The following EBF1 variants were observed in gnomAD, a reference collection of about 807,000 sequenced individuals.
EBF1 encodes the protein transcription factor COE1.
In EBF1, 10 loss-of-function variants were observed where a neutral mutation model predicts 68.4. The ratio of observed to expected loss-of-function variants is 0.15; its 90% CI spans 0.09 to 0.25. The LOEUF (loss-of-function observed/expected upper bound fraction) is 0.25, where lower values mean the gene tolerates loss of function less well. Among genes scored for constraint, EBF1 ranks in the 10% least tolerant of loss-of-function variants. The probability of loss-of-function intolerance (pLI) is 1.00; values close to 1 mark genes in which losing one functional copy is unlikely to be tolerated. For synonymous variants in EBF1, 298 were observed against 299.8 expected (o/e 0.99, Z 0.06); for missense variants, 509 against 794.4 (o/e 0.64, Z 4.32).
intron 7 of EBF1, among the ~76,000 whole-genome samples, chr5:158,835,206 C>T (rs1029317805): frequency 6.6e-6 from 1 of 152,182 alleles, no homozygotes; most frequent in African/African-American, 2.4e-5. Flanking sequence ...TGTCTTGGTT[C>T]GGTCCTAAGA....
chr5:159,087,753 C>T (rs894612307), intron 4 of EBF1, among the ~76,000 whole-genome samples: 1 of 152,114 alleles, frequency 6.6e-6, no homozygotes, highest in Admixed American at 6.6e-5. Context: ...CCCTTTGCCT[C>T]CATGATACAT....
At chr5:158,778,305 C>G (rs866139678) in intron 9 of EBF1, among the ~76,000 whole-genome samples, 10 of 152,204 alleles carry the variant, frequency 6.6e-5, no homozygotes, top group Middle Eastern at 3.4e-3. Flanking sequence ...TTATTAATGG[C>G]CATAAAACTG....
At chr5:158,803,588 A>G (rs538467233) in intron 8 of EBF1, among the ~76,000 whole-genome samples, 1 of 152,212 alleles carries the variant, frequency 6.6e-6, no homozygotes, top group African/African-American at 2.4e-5. Flanking sequence ...AGAAGCAATT[A>G]GAATGCCTGA....
At chr5:158,754,526 G>A (rs1402633426) in intron 10 of EBF1, among the ~76,000 whole-genome samples, 1 of 152,166 alleles carries the variant, frequency 6.6e-6, no homozygotes, top group Non-Finnish European at 1.5e-5. Flanking sequence ...AGGCCATCTT[G>A]AGAAGGAAGC....
At chr5:158,935,555 T>C (rs1253698647) in intron 6 of EBF1, among the ~76,000 whole-genome samples, 1 of 152,096 alleles carries the variant, frequency 6.6e-6, no homozygotes, top group African/African-American at 2.4e-5. Flanking sequence ...AGAAAACATA[T>C]GCAGAAGAAA....
intron 6 of EBF1, among the ~76,000 whole-genome samples, chr5:158,960,547 C>CA (rs1817978858): frequency 6.6e-6 from 1 of 152,078 alleles, no homozygotes; most frequent in African/African-American, 2.4e-5. Context: ...AATTGAAGGG[C>CA]AAACTGGAGG....
chr5:158,820,019 A>C (rs1784515785), intron 8 of EBF1, among the ~76,000 whole-genome samples: 1 of 152,182 alleles, frequency 6.6e-6, no homozygotes, highest in Non-Finnish European at 1.5e-5. Flanking sequence ...AAGAAAGCCC[A>C]TGCATGAATG....
intron 6 of EBF1, among the ~76,000 whole-genome samples, chr5:158,985,636 T>C (rs558635928): frequency 1.5e-3 from 225 of 152,362 alleles, no homozygotes; most frequent in African/African-American, 5.3e-3. Flanking sequence ...CTTCCCCTCC[T>C]TTTCTTTCAA....
chr5:158,933,367 T>C (rs1274412694), intron 6 of EBF1, among the ~76,000 whole-genome samples: 1 of 152,028 alleles, frequency 6.6e-6, no homozygotes, highest in Non-Finnish European at 1.5e-5. Flanking sequence ...CCGAAAGAGG[T>C]GCACAAAACA....
intron 6 of EBF1, among the ~76,000 whole-genome samples, chr5:158,854,664 C>T (rs1793623428): frequency 6.6e-6 from 1 of 152,222 alleles, no homozygotes; most frequent in Admixed American, 6.5e-5. Context: ...AAACAACTGA[C>T]TCGGTGCCTT....
intron 10 of EBF1, among the ~76,000 whole-genome samples, chr5:158,736,613 C>G (rs1049388215): frequency 1.3e-5 from 2 of 152,322 alleles, no homozygotes; most frequent in Non-Finnish European, 1.5e-5. Context: ...AATGATAAAA[C>G]TAGCACCTGG....
chr5:159,049,033 C>A (rs995959002), intron 6 of EBF1, among the ~76,000 whole-genome samples: 1 of 152,226 alleles, frequency 6.6e-6, no homozygotes, highest in African/African-American at 2.4e-5. Context: ...CATTTTGTCA[C>A]ACCATTCCCC....
intron 6 of EBF1, among the ~76,000 whole-genome samples, chr5:159,041,583 A>G (rs1014644431): frequency 6.6e-6 from 1 of 152,232 alleles, no homozygotes; most frequent in Non-Finnish European, 1.5e-5. Context: ...GCAGATGTAG[A>G]AAATATTTTT....
intron 6 of EBF1, among the ~76,000 whole-genome samples, chr5:158,901,085 C>A (rs762441534): frequency 6.6e-6 from 1 of 152,194 alleles, no homozygotes; most frequent in South Asian, 2.1e-4. Flanking sequence ...GACTATTGAG[C>A]CAGAAGTATC....
chr5:158,962,493 C>T (rs545720958), intron 6 of EBF1, among the ~76,000 whole-genome samples: 1 of 152,226 alleles, frequency 6.6e-6, no homozygotes, highest in South Asian at 2.1e-4. Flanking sequence ...CTGCACACTC[C>T]CTAGGAAGAG....
rs1402283006 is a variant in EBF1 at position 158,727,666 on chromosome 5, T to G, written c.1125+3403A>C. Among the ~76,000 whole-genome samples the G allele has an allele frequency of 2.0e-5, 3 of 152,334 alleles. No individual in the cohort carries two copies. The East Asian group carries it at 5.8e-4, about 29-fold the overall frequency. On this transcript the variant is annotated intron_variant, in intron 11 of 15. Transcript: ENST00000313708. ...TAGCATAATCACAGTATTTTAAATT[T>G]GTGTGTACAGCAACTATCACTGATG...
Position 158,720,664 on chromosome 5 carries a change from C to T in EBF1, c.1126-6482G>A, listed in dbSNP as rs145908799. On this transcript the variant is annotated intron_variant, in intron 11 of 15. Transcript: ENST00000313708. ...CCTTTAGTGTCACACTTTAAACACT[C>T]TTTCCTTAGAAGCCCTATGACTGAG... Among the ~76,000 whole-genome samples, 486 of 152,270 alleles carry T rather than the reference C, an allele frequency of 3.2e-3. 2 individuals carry two copies. Among genetic ancestry groups the T allele is most frequent in the African/African-American group, 0.011 (446 of 41,556 alleles).
Position 158,698,663 on chromosome 5 carries a change from C to CTTTTTTTTTT in EBF1, c.*438_*447dup, listed in dbSNP as rs1357650531. On this transcript the variant is annotated 3_prime_UTR_variant, in exon 16 of 16. Coordinates refer to ENST00000313708, the MANE Select transcript of EBF1 (RefSeq NM_024007.5). The stretch of plus-strand genomic sequence containing the variant: ...AAGCTTTTTTTTTTTTCCTTTTTTT[C>CTTTTTTTTTT]TTTTTTTTTTTTTTTACTTTTTTGT... 9 of 151,322 alleles carry CTTTTTTTTTT rather than the reference C, an allele frequency of 5.9e-5. No homozygotes were observed. The highest frequency in any genetic ancestry group is 8.1e-5 in the Non-Finnish European group (6 of 74,100). The allele number at this position is 151,322 out of a possible 1,614,324, so 9.4% of individuals were successfully genotyped here. A position where few individuals can be genotyped will look rare whatever the true frequency, so the allele number is the denominator to read the frequency against.
rs116429181 is a variant in EBF1 at position 158,976,605 on chromosome 5, T to C, written c.554+96791A>G. ...GCTGGGACTGCTAAGGATTTCAACC[T>C]AGATCATTCTGCCCTCTGTTAAAAT... On this transcript the variant is annotated intron_variant, in intron 6 of 15. Transcript: ENST00000313708. 3.5e-3 allele frequency among the ~76,000 whole-genome samples: 537 copies of C among 152,340 alleles called. 3 individuals are homozygous for C. Among genetic ancestry groups the C allele is most frequent in the African/African-American group, 0.012 (505 of 41,578 alleles).
Sources: allele counts gnomAD v4.1 joint callset (sites outside exome capture counted in the v4.1 genomes callset), GRCh38; gene constraint gnomAD v4.1.1; transcripts MANE v1.5; gene names NCBI Gene and HGNC (gene_info 2026-07-23, HGNC 2026-07-21).